Variants in RGS6 observed in about 807,000 individuals in gnomAD.
The protein encoded by RGS6 is regulator of G protein signaling 6.
A neutral mutation model predicts 78.5 loss-of-function variants in RGS6; 30 were observed. That is an observed-to-expected ratio of 0.38 (90% CI 0.29 to 0.52). RGS6 has a LOEUF of 0.52. RGS6 is among the 20% of genes least tolerant of loss of function. The pLI, the probability that RGS6 is intolerant of heterozygous loss-of-function variation, is 0.85. For synonymous variants in RGS6, 206 were observed against 206.0 expected, an observed-to-expected ratio of 1.00 and a Z score of 0.00; for missense variants, 495 against 609.7, an observed-to-expected ratio of 0.81 and a Z score of 1.98.
At chr14:72,450,923 A>G (rs80061848) in intron 3 of RGS6, among the ~76,000 whole-genome samples, 4,464 of 152,314 alleles carry the variant, frequency 0.029, 204 homozygotes, top group African/African-American at 0.1. Context: ...CGATATTATG[A>G]CAGATTTCCC....
At chr14:72,548,984 G>A (rs948091319) in intron 17 of RGS6, among the ~76,000 whole-genome samples, 1 of 152,200 alleles carries the variant, frequency 6.6e-6, no homozygotes, top group Non-Finnish European at 1.5e-5. Context: ...TTTGCAACTG[G>A]AATTCTATGC....
intron 3 of RGS6, among the ~76,000 whole-genome samples, chr14:72,442,654 A>C (rs937013401): frequency 6.6e-6 from 1 of 152,232 alleles, no homozygotes; most frequent in Non-Finnish European, 1.5e-5. Context: ...CACAGGACAT[A>C]GGACTGAACA....
intron 2 of RGS6, among the ~76,000 whole-genome samples, chr14:72,263,183 A>T (rs1167536618): frequency 6.6e-6 from 1 of 152,220 alleles, no homozygotes; most frequent in East Asian, 1.9e-4. Context: ...TAAGTTTCTG[A>T]GCTAAAACAA....
At chr14:72,096,469 A>G (rs560580627) in intron 2 of RGS6, among the ~76,000 whole-genome samples, 129 of 152,290 alleles carry the variant, frequency 8.5e-4, no homozygotes, top group African/African-American at 2.7e-3. Flanking sequence ...AAATGTCAAT[A>G]TCATGTACAC....
chr14:72,424,140 G>T (rs570805555), intron 3 of RGS6, among the ~76,000 whole-genome samples: 24 of 152,254 alleles, frequency 1.6e-4, no homozygotes, highest in Admixed American at 1.1e-3. Context: ...TTCCTGGTAG[G>T]GCCTGGAGCT....
the RGS6 span, among the ~76,000 whole-genome samples, chr14:72,616,992 A>T: frequency 6.6e-6 from 1 of 152,024 alleles, no homozygotes; most frequent in African/African-American, 2.4e-5. Flanking sequence ...TGAAGCTGAG[A>T]GGGGAACTCC....
intron 2 of RGS6, among the ~76,000 whole-genome samples, chr14:72,305,509 A>G (rs2067039333): frequency 6.6e-6 from 1 of 152,210 alleles, no homozygotes; most frequent in African/African-American, 2.4e-5. Flanking sequence ...AATTCTCAAA[A>G]TATTTCAAAC....
chr14:72,348,427 A>G (rs139851734), intron 2 of RGS6, among the ~76,000 whole-genome samples: 300 of 152,318 alleles, frequency 2.0e-3, no homozygotes, highest in African/African-American at 6.9e-3. Context: ...TGATCATGAA[A>G]TAGATGTTCT....
At position 72,092,652 on chromosome 14, in the gene RGS6, G is replaced by A. The variant is rs533232673; in HGVS notation, c.84+127777G>A. Among the ~76,000 whole-genome samples the A allele has an allele frequency of 7.2e-5, 11 of 152,300 alleles. No individual in the cohort carries two copies. The East Asian group carries it at 1.9e-3, about 27-fold the overall frequency. On this transcript the variant is annotated intron_variant, in intron 2 of 17. Transcript: ENST00000553525. ...CTGCCTCAGCCCCCCAAATTGCTGG[G>A]ATTACAGGCGTGAACCATTGCGCCT...
chr14:72,078,957 A>G (rs867167018), intron 2 of RGS6, among the ~76,000 whole-genome samples: 3 of 152,096 alleles, frequency 2.0e-5, no homozygotes, highest in Non-Finnish European at 4.4e-5. Context: ...AATCTCTTTT[A>G]ACCCTATTAA....
At chr14:72,435,330 T>TAA (rs1186499908) in intron 3 of RGS6, among the ~76,000 whole-genome samples, 1 of 152,338 alleles carries the variant, frequency 6.6e-6, no homozygotes, top group East Asian at 1.9e-4. Flanking sequence ...AATCTGCTAT[T>TAA]ACCAGTCCCA....
At chr14:71,930,397 C>A (rs1227734177), upstream of RGS6, among the ~76,000 whole-genome samples, 1 of 151,950 alleles carries the variant, frequency 6.6e-6, no homozygotes, top group Non-Finnish European at 1.5e-5. Context: ...CTATTACATA[C>A]ATATATATAT....
intron 14 of RGS6, among the ~76,000 whole-genome samples, chr14:72,513,290 C>T (rs1372133745): frequency 6.6e-6 from 1 of 152,132 alleles, no homozygotes; most frequent in African/African-American, 2.4e-5. Flanking sequence ...CAAAGTGTCA[C>T]CCTGGATCCT....
chr14:71,996,631 G>A (rs1291128131), intron 2 of RGS6, among the ~76,000 whole-genome samples: 1 of 152,148 alleles, frequency 6.6e-6, no homozygotes, highest in African/African-American at 2.4e-5. Flanking sequence ...GACTGTGACT[G>A]TCTTTTTATT....
intron 2 of RGS6, among the ~76,000 whole-genome samples, chr14:72,166,924 C>G (rs2096935764): frequency 6.6e-6 from 1 of 152,220 alleles, no homozygotes. Flanking sequence ...CATTCTCTCA[C>G]TTGTTCACCA....
intron 3 of RGS6, among the ~76,000 whole-genome samples, chr14:72,361,229 G>A (rs1196480238): frequency 6.6e-6 from 1 of 151,732 alleles, no homozygotes; most frequent in Non-Finnish European, 1.5e-5. Context: ...TCCACATTTA[G>A]CTCTGTGGAT....
chr14:72,256,794 A>AT (rs2057174948), intron 2 of RGS6, among the ~76,000 whole-genome samples: 1 of 152,142 alleles, frequency 6.6e-6, no homozygotes, highest in Non-Finnish European at 1.5e-5. Flanking sequence ...CATTGTCATA[A>AT]TTTTTAGAAA....
chr14:72,198,405 CA>C (rs1180766244), intron 2 of RGS6, among the ~76,000 whole-genome samples: 1 of 152,216 alleles, frequency 6.6e-6, no homozygotes, highest in East Asian at 1.9e-4. Flanking sequence ...AGGCCATAAG[CA>C]GACATTCAAA....
chr14:72,377,339 A>G (rs1403745632), intron 3 of RGS6, among the ~76,000 whole-genome samples: 2 of 152,210 alleles, frequency 1.3e-5, no homozygotes, highest in Non-Finnish European at 2.9e-5. Context: ...TAATTCAGCA[A>G]GAGAATATAA....
Sources: gnomAD v4.1 joint callset for allele counts (sites outside exome capture counted in the v4.1 genomes callset) on GRCh38, gnomAD v4.1.1 for gene constraint, MANE v1.5 for transcripts, NCBI Gene and HGNC (gene_info 2026-07-23, HGNC 2026-07-21) for gene names.